The following ADAMTS6 variants were observed in gnomAD, a reference collection of about 807,000 sequenced individuals.
ADAMTS6 encodes ADAM metallopeptidase with thrombospondin type 1 motif 6.
In ADAMTS6, 23 loss-of-function variants were observed where a neutral mutation model predicts 144.3. The observed-to-expected ratio is 0.16, with a 90% CI of 0.11 to 0.23. The LOEUF (loss-of-function observed/expected upper bound fraction) is 0.23. Among genes scored for constraint, ADAMTS6 ranks in the 10% least tolerant of loss-of-function variants. ADAMTS6 has a pLI of 1.00. For missense variants in ADAMTS6, 999 were observed against 1,379.6 expected, an observed-to-expected ratio of 0.72 and a Z score of 4.37; for synonymous variants, 444 against 457.5, an observed-to-expected ratio of 0.97 and a Z score of 0.38.
At chr5:65,365,491 C>T (rs979367647) in intron 7 of ADAMTS6, among the ~76,000 whole-genome samples, 1 of 151,752 alleles carries the variant, frequency 6.6e-6, no homozygotes, top group Non-Finnish European at 1.5e-5. Flanking sequence ...ACTAAAAACA[C>T]AAAAAATTAG....
chr5:65,327,490 A>C (rs1746285036), intron 9 of ADAMTS6, among the ~76,000 whole-genome samples: 1 of 152,010 alleles, frequency 6.6e-6, no homozygotes. Context: ...TCTCAATCCA[A>C]GGATTTTGTG....
chr5:65,341,261 G>T (rs1747792912), intron 7 of ADAMTS6, among the ~76,000 whole-genome samples: 1 of 151,728 alleles, frequency 6.6e-6, no homozygotes, highest in Non-Finnish European at 1.5e-5. Context: ...AAACTAAAAT[G>T]ATTTCAAATA....
chr5:65,436,789 C>T (rs901540443), intron 7 of ADAMTS6, among the ~76,000 whole-genome samples: 13 of 151,344 alleles, frequency 8.6e-5, no homozygotes, highest in Non-Finnish European at 1.3e-4. Flanking sequence ...ACCCAGGAGA[C>T]GGAGATTGCA....
intron 3 of ADAMTS6, among the ~76,000 whole-genome samples, chr5:65,467,102 T>C (rs889151349): frequency 1.0e-4 from 15 of 148,654 alleles, no homozygotes; most frequent in African/African-American, 2.9e-4. Context: ...TTTTGAAAAT[T>C]AGAAATATGA....
intron 7 of ADAMTS6, among the ~76,000 whole-genome samples, chr5:65,402,191 T>A (rs1226566296): frequency 6.6e-6 from 1 of 152,128 alleles, no homozygotes; most frequent in Non-Finnish European, 1.5e-5. Context: ...TGGCTTACAC[T>A]CCATGGTTAG....
intron 19 of ADAMTS6, among the ~76,000 whole-genome samples, 173 bp downstream of exon 19, chr5:65,215,151 C>G (rs1454877725): frequency 1.3e-5 from 2 of 152,164 alleles, no homozygotes; most frequent in African/African-American, 2.4e-5. Flanking sequence ...ACTATTCAAG[C>G]AAGAGCACTA....
At chr5:65,409,855 A>G (rs919376089) in intron 7 of ADAMTS6, among the ~76,000 whole-genome samples, 2 of 152,244 alleles carry the variant, frequency 1.3e-5, no homozygotes, top group Admixed American at 6.5e-5. Context: ...ATGCAAATCA[A>G]TAAACGTAAT....
chr5:65,356,291 T>C (rs1749315754), intron 7 of ADAMTS6, among the ~76,000 whole-genome samples: 1 of 151,846 alleles, frequency 6.6e-6, no homozygotes, highest in African/African-American at 2.4e-5. Context: ...GTGCAAATAT[T>C]TTATCTTAAA....
rs892599191 is a variant in ADAMTS6, at chr5:65,293,287, TAAC to T, written c.1371-1820_1371-1818del. Among the ~76,000 whole-genome samples the T allele has an allele frequency of 1.8e-4, 27 of 152,098 alleles. No individual in the cohort carries two copies. In the East Asian group the frequency reaches 3.3e-3, roughly 18 times the overall value. Reference sequence around the variant, plus strand: ...AATTAAATATGTAATAAAAATAAAATAACAAGTTAAGTACTACTATAAATCTTT... The same window carrying T: ...AATTAAATATGTAATAAAAATAAAATAAGTTAAGTACTACTATAAATCTTT... On this transcript the variant is annotated intron_variant, in intron 10 of 24. Coordinates refer to ENST00000381055, the MANE Select transcript of ADAMTS6 (RefSeq NM_197941.4).
At chr5:65,246,914 A>G (rs1179388193) in intron 14 of ADAMTS6, among the ~76,000 whole-genome samples, 1 of 152,224 alleles carries the variant, frequency 6.6e-6, no homozygotes, top group Non-Finnish European at 1.5e-5. Flanking sequence ...GGAATTCCTT[A>G]AGGAAAAATT....
At chr5:65,183,047 T>C (rs1334108188) in intron 22 of ADAMTS6, among the ~76,000 whole-genome samples, 1 of 152,188 alleles carries the variant, frequency 6.6e-6, no homozygotes, top group African/African-American at 2.4e-5. Flanking sequence ...GATTATAAAA[T>C]TAAATGTTTA....
chr5:65,335,321 A>T (rs1747198990), intron 7 of ADAMTS6, among the ~76,000 whole-genome samples: 1 of 152,042 alleles, frequency 6.6e-6, no homozygotes, highest in African/African-American at 2.4e-5. Flanking sequence ...TTCTTTTGTA[A>T]TTGGTAAGCC....
intron 7 of ADAMTS6, among the ~76,000 whole-genome samples, chr5:65,380,402 T>C (rs754552229): frequency 1.3e-5 from 2 of 151,548 alleles, no homozygotes; most frequent in Non-Finnish European, 2.9e-5. Flanking sequence ...CAAAACTCCA[T>C]CTCTACTAAA....
At chr5:65,271,915 C>G (rs1454100061) in intron 12 of ADAMTS6, among the ~76,000 whole-genome samples, 4 of 151,888 alleles carry the variant, frequency 2.6e-5, no homozygotes, top group Non-Finnish European at 5.9e-5. Context: ...GCATGAATTT[C>G]TTTGTATTTT....
At chr5:65,209,625 A>G (rs776797146) in intron 20 of ADAMTS6, among the ~76,000 whole-genome samples, 1 of 152,238 alleles carries the variant, frequency 6.6e-6, no homozygotes, top group South Asian at 2.1e-4. Context: ...AGATCTCATA[A>G]GAGAAAGCTA....
intron 7 of ADAMTS6, among the ~76,000 whole-genome samples, chr5:65,438,522 A>T (rs372474176): frequency 2.0e-5 from 3 of 152,022 alleles, no homozygotes; most frequent in African/African-American, 7.2e-5. Context: ...GTGAGATTCC[A>T]TCTTATACAT....
In ADAMTS6 at chr5:65,330,891, T is replaced by C. The variant is rs140199992; in HGVS notation, c.1118-1408A>G. Among the ~76,000 whole-genome samples the C allele has an allele frequency of 4.0e-3, 609 of 152,210 alleles. 4 individuals are homozygous for C. Among genetic ancestry groups the C allele is most frequent in the Admixed American group, 5.8e-3 (88 of 15,246 alleles). On this transcript the variant is annotated intron_variant, in intron 8 of 24. Transcript: ENST00000381055. Reference sequence around the variant, plus strand: ...AGAGAATGTAAAAAGTGGAGCAGGATAACTTATTTTTTTGTTTCAGTTAAT... The same window carrying C: ...AGAGAATGTAAAAAGTGGAGCAGGACAACTTATTTTTTTGTTTCAGTTAAT...
chr5:65,182,892 T>C (rs771704551), intron 22 of ADAMTS6, among the ~76,000 whole-genome samples: 4 of 152,198 alleles, frequency 2.6e-5, no homozygotes, highest in Non-Finnish European at 4.4e-5. Context: ...TTCAAGACAG[T>C]GAATGACTGA....
At chr5:65,170,200 A>G (rs968323273) in intron 24 of ADAMTS6, among the ~76,000 whole-genome samples, 1 of 152,216 alleles carries the variant, frequency 6.6e-6, no homozygotes, top group Non-Finnish European at 1.5e-5. Flanking sequence ...CTTTCATTAT[A>G]TGTATAACAA....
Sources: allele counts gnomAD v4.1 joint callset (sites outside exome capture counted in the v4.1 genomes callset), GRCh38; gene constraint gnomAD v4.1.1; transcripts MANE v1.5; gene names NCBI Gene and HGNC (gene_info 2026-07-23, HGNC 2026-07-21).